Variants in DACH2 observed in about 807,000 individuals in gnomAD.
The protein encoded by DACH2 is dachshund homolog 2.
In DACH2, 17 loss-of-function variants were observed where a neutral mutation model predicts 35.8. The ratio of observed to expected loss-of-function variants is 0.48; its 90% CI spans 0.33 to 0.71. DACH2 has a LOEUF of 0.71. Ranked by LOEUF, DACH2 falls within the 30% of genes least tolerant of loss-of-function variation. The pLI is 0.02. For missense variants in DACH2, 469 were observed against 472.7 expected (o/e 0.99, Z 0.07); for synonymous variants, 195 against 177.3 (o/e 1.10, Z -0.79).
At chrX:86,344,708 T>A (rs952289011) in intron 1 of DACH2, among the ~76,000 whole-genome samples, 1 of 111,222 alleles carries the variant, frequency 9.0e-6, no homozygotes, top group East Asian at 2.8e-4. Context: ...TTTTATTATA[T>A]TTTTTTCTGT....
Position 86,149,216 on chromosome X carries a change from T to C in DACH2, c.488+108T>C, listed in dbSNP as rs753585645. 12 of 928,334 alleles carry C rather than the reference T, an allele frequency of 1.3e-5. 1 individual carries two copies. The South Asian group carries it at 2.5e-4, about 19-fold the overall frequency. 76.5% of individuals were successfully genotyped at this position (928,334 alleles called of 1,213,427 possible). ...GTTTGTAGAGTGAGTCTTAACTAGTTTGCCTCTATTCTTCACGCTGTAAAT... is the reference window on the plus strand; with the variant it reads ...GTTTGTAGAGTGAGTCTTAACTAGTCTGCCTCTATTCTTCACGCTGTAAAT... On this transcript the variant is annotated intron_variant, in intron 1 of 11. Coordinates refer to ENST00000373125, the MANE Select transcript of DACH2 (RefSeq NM_053281.3).
At chrX:86,585,261 C>T (rs2039554736) in intron 3 of DACH2, among the ~76,000 whole-genome samples, 1 of 111,360 alleles carries the variant, frequency 9.0e-6, no homozygotes, top group South Asian at 3.7e-4. Flanking sequence ...AACTAATTTA[C>T]ATTCTCACGA....
intron 7 of DACH2, among the ~76,000 whole-genome samples, chrX:86,765,065 T>C (rs890823250): frequency 2.7e-5 from 3 of 112,100 alleles, no homozygotes; most frequent in African/African-American, 9.7e-5. Flanking sequence ...TTCCCATTTT[T>C]AAGTGGATTT....
At chrX:86,382,874 G>A (rs2036067164) in intron 2 of DACH2, among the ~76,000 whole-genome samples, 1 of 111,013 alleles carries the variant, frequency 9.0e-6, no homozygotes, top group Admixed American at 9.6e-5. Flanking sequence ...TAAGCCTAGA[G>A]AATCCCACGT....
chrX:86,473,405 A>T (rs2037791181), intron 2 of DACH2, among the ~76,000 whole-genome samples: 1 of 110,702 alleles, frequency 9.0e-6, no homozygotes, highest in African/African-American at 3.3e-5. Flanking sequence ...AAAATGTACA[A>T]TTAAATTATT....
At chrX:86,252,996 T>A (rs1240122365) in intron 1 of DACH2, among the ~76,000 whole-genome samples, 1 of 110,771 alleles carries the variant, frequency 9.0e-6, no homozygotes, top group African/African-American at 3.3e-5. Context: ...GCAGATGATA[T>A]GATTATATGC....
chrX:86,806,629 C>A (rs1009239028), intron 7 of DACH2, among the ~76,000 whole-genome samples: 4 of 112,188 alleles, frequency 3.6e-5, no homozygotes, highest in African/African-American at 1.3e-4. Flanking sequence ...TTTTTAATAA[C>A]TTTGTGCATG....
chrX:86,644,961 C>A (rs2040397004), intron 3 of DACH2, among the ~76,000 whole-genome samples: 1 of 110,205 alleles, frequency 9.1e-6, no homozygotes. Context: ...ACTATAAAAA[C>A]CCTGGAAGAC....
chrX:86,302,398 T>G (rs1050437800), intron 1 of DACH2, among the ~76,000 whole-genome samples: 1 of 111,835 alleles, frequency 8.9e-6, no homozygotes, highest in African/African-American at 3.2e-5. Context: ...TTGACCTGAA[T>G]TATAGAGAAT....
intron 1 of DACH2, among the ~76,000 whole-genome samples, chrX:86,155,911 C>G (rs901115141): frequency 9.0e-6 from 1 of 110,600 alleles, no homozygotes; most frequent in Non-Finnish European, 1.9e-5. Context: ...GATATGTATA[C>G]TATTACCTAT....
intron 1 of DACH2, among the ~76,000 whole-genome samples, chrX:86,326,460 G>A (rs2035115532): frequency 9.4e-6 from 1 of 105,867 alleles, no homozygotes; most frequent in African/African-American, 3.5e-5. Flanking sequence ...GAGTGAGTGA[G>A]ACTCTGTAAA....
At position 86,444,117 on chromosome X, in the gene DACH2, G is replaced by A. The variant is rs1347389324; in HGVS notation, c.527+67255G>A. 9.9e-5 allele frequency among the ~76,000 whole-genome samples: 11 copies of A among 111,271 alleles called. No individual in the cohort carries two copies. The Admixed American group carries it at 1.1e-3, about 11-fold the overall frequency. On this transcript the variant is annotated intron_variant, in intron 2 of 11. Coordinates refer to ENST00000373125, the MANE Select transcript of DACH2 (RefSeq NM_053281.3). The stretch of plus-strand genomic sequence containing the variant: ...TTATTTTATTTTTTATTAAGATAAG[G>A]CCTTGCCCTGTCACCCAGGCTGGAA...
At chrX:86,206,280 G>GAA (rs113874783) in intron 1 of DACH2, among the ~76,000 whole-genome samples, 6,504 of 108,326 alleles carry the variant, frequency 0.06, 512 homozygotes, top group African/African-American at 0.21. Flanking sequence ...GTCCAAAAGG[G>GAA]GAAAAAAAAA....
Position 86,418,032 on chromosome X carries a change from C to A in DACH2, c.527+41170C>A, listed in dbSNP as rs370985531. Among the ~76,000 whole-genome samples, 7 of 111,642 alleles carry A rather than the reference C, an allele frequency of 6.3e-5. No homozygotes were observed. In the East Asian group the frequency reaches 2.0e-3, roughly 32 times the overall value. On this transcript the variant is annotated intron_variant, in intron 2 of 11. Coordinates refer to ENST00000373125, the MANE Select transcript of DACH2 (RefSeq NM_053281.3). ...CAAGTCCAACATCTAGCAGGGCAGT[C>A]AAATCTTAAAACTCCAAAATTATCT...
intron 7 of DACH2, among the ~76,000 whole-genome samples, chrX:86,790,888 C>T (rs2042180852): frequency 9.0e-6 from 1 of 111,319 alleles, no homozygotes; most frequent in Non-Finnish European, 1.9e-5. Flanking sequence ...TACTGATAGC[C>T]TGCTGTTGAC....
At chrX:86,745,127 C>T (rs935692898) in intron 7 of DACH2, among the ~76,000 whole-genome samples, 16 of 111,583 alleles carry the variant, frequency 1.4e-4, no homozygotes, top group Non-Finnish European at 3.0e-4. Context: ...ATTCACCATC[C>T]AGCCCAAGAA....
chrX:86,470,090 T>A (rs1202305670), intron 2 of DACH2, among the ~76,000 whole-genome samples: 1 of 95,642 alleles, frequency 1.0e-5, no homozygotes, highest in East Asian at 2.8e-4. Context: ...TGAAACAGAG[T>A]TCTGGACAGT....
intron 3 of DACH2, among the ~76,000 whole-genome samples, chrX:86,615,504 G>A (rs1410632340): frequency 9.0e-6 from 1 of 111,132 alleles, no homozygotes; most frequent in Non-Finnish European, 1.9e-5. Context: ...ATAATACTCT[G>A]TCATATTTTT....
At chrX:86,792,653 A>G (rs1326457599) in intron 7 of DACH2, among the ~76,000 whole-genome samples, 3 of 111,414 alleles carry the variant, frequency 2.7e-5, no homozygotes, top group Non-Finnish European at 5.7e-5. Flanking sequence ...AGCTTATTTC[A>G]CTTAACATAA....
Sources: allele counts gnomAD v4.1 joint callset (sites outside exome capture counted in the v4.1 genomes callset), GRCh38; gene constraint gnomAD v4.1.1; transcripts MANE v1.5; gene names NCBI Gene and HGNC (gene_info 2026-07-23, HGNC 2026-07-21).